WDR72: variants seen among roughly 807,000 people sequenced by gnomAD.
WDR72 encodes the protein WD repeat domain 72.
A neutral mutation model predicts 124.2 loss-of-function variants in WDR72; 120 were observed. The observed-to-expected ratio is 0.97, with a 90% CI of 0.83 to 1.12. WDR72 has a LOEUF of 1.12. Among genes scored for constraint, WDR72 ranks in the 50% most tolerant of loss-of-function variants. The pLI is 0.00. For synonymous variants in WDR72, 452 were observed against 441.7 expected (o/e 1.02, Z -0.29); for missense variants, 1,387 against 1,278.8 (o/e 1.08, Z -1.29).
intron 9 of WDR72, among the ~76,000 whole-genome samples, chr15:53,708,230 A>G (rs1254462159): frequency 1.3e-5 from 2 of 152,318 alleles, no homozygotes; most frequent in Non-Finnish European, 2.9e-5. Flanking sequence ...CATAGCCATT[A>G]GCACTGAAAT....
intron 18 of WDR72, among the ~76,000 whole-genome samples, chr15:53,573,554 T>C (rs1334037721): frequency 6.6e-6 from 1 of 152,102 alleles, no homozygotes; most frequent in Admixed American, 6.5e-5. Context: ...TTTTCTTTTT[T>C]TTTTTTTCGG....
At chr15:53,657,239 G>A (rs2015457545) in intron 14 of WDR72, among the ~76,000 whole-genome samples, 1 of 122,536 alleles carries the variant, frequency 8.2e-6, no homozygotes, top group African/African-American at 3.1e-5. Context: ...ACTCCAGCCT[G>A]GGCAAAAGAG....
At chr15:53,704,505 T>G (rs759158380) in intron 11 of WDR72, among the ~76,000 whole-genome samples, 1 of 151,584 alleles carries the variant, frequency 6.6e-6, no homozygotes, top group Middle Eastern at 3.4e-3. Context: ...AGCCTTCTGC[T>G]TGAGTTTTTT....
At chr15:53,748,637 C>A (rs1595888246) in intron 1 of WDR72, among the ~76,000 whole-genome samples, 2 of 152,108 alleles carry the variant, frequency 1.3e-5, no homozygotes, top group East Asian at 3.9e-4. Flanking sequence ...AGTTGATGAT[C>A]CTTTCTTTCA....
intron 17 of WDR72, among the ~76,000 whole-genome samples, chr15:53,601,702 C>A (rs566988431): frequency 6.6e-6 from 1 of 151,832 alleles, no homozygotes; most frequent in Admixed American, 6.6e-5. Context: ...TAGTTTCTGA[C>A]AAAACAGACT....
At chr15:53,667,363 T>C (rs2015815439) in intron 13 of WDR72, among the ~76,000 whole-genome samples, 1 of 151,904 alleles carries the variant, frequency 6.6e-6, no homozygotes, top group Admixed American at 6.6e-5. Flanking sequence ...CAAAAAAGAA[T>C]AAACACAAAG....
chr15:53,755,749 G>A (rs1207462170), intron 1 of WDR72, among the ~76,000 whole-genome samples: 1 of 152,222 alleles, frequency 6.6e-6, no homozygotes, highest in African/African-American at 2.4e-5. Context: ...CCACAAAGCA[G>A]GTAGAGAGCG....
At chr15:53,576,995 T>C (rs1336162891) in intron 18 of WDR72, among the ~76,000 whole-genome samples, 1 of 152,172 alleles carries the variant, frequency 6.6e-6, no homozygotes, top group Non-Finnish European at 1.5e-5. Flanking sequence ...TTTGAACCTT[T>C]GCTTTAGAGC....
Position 53,517,599 on chromosome 15 carries a change from C to T in WDR72, c.*100G>A. ...TAGCAAATCCACTACAGCCTAATAA[C>T]TTGACCAATAACAACAATGCTTTTA... On this transcript the variant is annotated 3_prime_UTR_variant, in exon 20 of 20. Transcript: ENST00000360509. The T allele has an allele frequency of 7.8e-7, 1 of 1,289,390 alleles. No individual in the cohort carries two copies. The allele number at this position is 1,289,390 out of a possible 1,614,324, so 79.9% of individuals were successfully genotyped here.
chr15:53,589,363 C>T (rs2012381663), intron 18 of WDR72, among the ~76,000 whole-genome samples: 1 of 151,878 alleles, frequency 6.6e-6, no homozygotes, highest in Admixed American at 6.6e-5. Flanking sequence ...GGTTTCCCTC[C>T]ACTGCTCCTT....
intron 19 of WDR72, among the ~76,000 whole-genome samples, chr15:53,521,997 C>T (rs757755734): frequency 6.6e-6 from 1 of 151,978 alleles, no homozygotes; most frequent in African/African-American, 2.4e-5. Context: ...TCTGTCACTG[C>T]TAAAGATGCC....
intron 11 of WDR72, among the ~76,000 whole-genome samples, chr15:53,702,902 A>T (rs968461035): frequency 3.9e-4 from 56 of 143,756 alleles, no homozygotes; most frequent in African/African-American, 1.1e-3. Flanking sequence ...ATTTTCATTC[A>T]TTTTTTTTTT....
chr15:53,739,000 C>T (rs997372564), intron 1 of WDR72, among the ~76,000 whole-genome samples: 9 of 152,190 alleles, frequency 5.9e-5, no homozygotes, highest in Non-Finnish European at 1.3e-4. Flanking sequence ...AAATTATGCA[C>T]ACACACATTT....
chr15:53,648,027 T>C (rs1340152578), intron 14 of WDR72, among the ~76,000 whole-genome samples: 12 of 152,138 alleles, frequency 7.9e-5, no homozygotes, highest in Middle Eastern at 3.2e-3. Flanking sequence ...TGGAAACTAC[T>C]AGAAGACACA....
chr15:53,549,283 C>G (rs1160884694), intron 18 of WDR72, among the ~76,000 whole-genome samples: 1 of 152,116 alleles, frequency 6.6e-6, no homozygotes, highest in Non-Finnish European at 1.5e-5. Context: ...TCAAGCTGGG[C>G]TGATACACAG....
chr15:53,755,820 C>T (rs2018888084), intron 1 of WDR72, among the ~76,000 whole-genome samples: 1 of 152,184 alleles, frequency 6.6e-6, no homozygotes, highest in African/African-American at 2.4e-5. Context: ...CCAAGGAAGT[C>T]CAATTACTGA....
chr15:53,742,708 G>T (rs530563619), intron 1 of WDR72, among the ~76,000 whole-genome samples: 7 of 152,112 alleles, frequency 4.6e-5, no homozygotes, highest in African/African-American at 1.7e-4. Flanking sequence ...CTATATTATA[G>T]AGGTCAAATG....
chr15:53,722,953 G>A, intron 2 of WDR72, 45 bp from the exon 3 acceptor site: 1 of 1,539,068 alleles, frequency 6.5e-7, no homozygotes, highest in South Asian at 1.1e-5. Flanking sequence ...TAAACTGTTT[G>A]AAGAATAAAA....
intron 18 of WDR72, among the ~76,000 whole-genome samples, chr15:53,535,836 C>T (rs1566947206): frequency 6.6e-6 from 1 of 152,150 alleles, no homozygotes; most frequent in African/African-American, 2.4e-5. Context: ...AGATCCTGGC[C>T]TCCAGTCAGC....
Sources: allele counts gnomAD v4.1 joint callset (sites outside exome capture counted in the v4.1 genomes callset), GRCh38; gene constraint gnomAD v4.1.1; transcripts MANE v1.5; gene names NCBI Gene and HGNC (gene_info 2026-07-23, HGNC 2026-07-21).